Variants in DYSF observed in about 807,000 individuals in gnomAD.
DYSF encodes the protein dystrophy-associated fer-1-like 1.
In DYSF, 212 loss-of-function variants were observed where a neutral mutation model predicts 274.9. That is an observed-to-expected ratio of 0.77 (90% CI 0.69 to 0.86). DYSF has a LOEUF of 0.86. Ranked by LOEUF, DYSF falls within the 40% of genes least tolerant of loss-of-function variation. The pLI is 0.00. For synonymous variants in DYSF, 1,091 were observed against 1,078.7 expected (o/e 1.01, Z -0.22); for missense variants, 2,666 against 2,783.2 (o/e 0.96, Z 0.95).
intron 8 of DYSF, 43 bp from the exon 9 acceptor site, chr2:71,516,137 A>T: frequency 6.3e-7 from 1 of 1,590,972 alleles, no homozygotes; most frequent in Non-Finnish European, 8.6e-7. Context: ...GGCCTGAGGG[A>T]TCAGCAGGCA....
At chr2:71,469,864 T>C (rs957111649) in intron 1 of DYSF, among the ~76,000 whole-genome samples, 5 of 152,250 alleles carry the variant, frequency 3.3e-5, no homozygotes, top group African/African-American at 1.2e-4. Context: ...TAATTGTCTG[T>C]ACTTCTTTTC....
At chr2:71,530,754 G>T (rs75530963) in intron 14 of DYSF, among the ~76,000 whole-genome samples, 19,155 of 152,010 alleles carry the variant, frequency 0.13, 1,373 homozygotes, top group African/African-American at 0.18. Context: ...TGGCGTCCCC[G>T]CTTCTGCTGC....
chr2:71,455,917 C>G (rs1178889729), intron 1 of DYSF, among the ~76,000 whole-genome samples: 3 of 152,166 alleles, frequency 2.0e-5, no homozygotes, highest in Non-Finnish European at 4.4e-5. Context: ...TGGTCCCTCA[C>G]CCAGGCTAGG....
At chr2:71,542,527 G>T (rs894012364) in intron 17 of DYSF, among the ~76,000 whole-genome samples, 31 of 152,092 alleles carry the variant, frequency 2.0e-4, no homozygotes, top group African/African-American at 7.0e-4. Context: ...GGGGCCTTCC[G>T]CAGTGTTTGT....
At chr2:71,565,790 G>A (rs2092061980) in intron 24 of DYSF, among the ~76,000 whole-genome samples, 1 of 152,230 alleles carries the variant, frequency 6.6e-6, no homozygotes, top group South Asian at 2.1e-4. Context: ...GGGTGGGGCT[G>A]CCCACTTTAC....
At chr2:71,613,177 G>A (rs1340890347) in intron 39 of DYSF, among the ~76,000 whole-genome samples, 157 bp from the exon 40 acceptor site, 3 of 152,096 alleles carry the variant, frequency 2.0e-5, no homozygotes, top group Admixed American at 6.5e-5. Flanking sequence ...AGATGAGAGA[G>A]GGACTTATTG....
At chr2:71,645,879 G>T (rs541359985) in intron 42 of DYSF, among the ~76,000 whole-genome samples, 2 of 152,216 alleles carry the variant, frequency 1.3e-5, no homozygotes, top group African/African-American at 4.8e-5. Flanking sequence ...GGTGGGCACA[G>T]GCTGTTAGAC....
At chr2:71,468,746 T>C (rs1041405477) in intron 1 of DYSF, among the ~76,000 whole-genome samples, 2 of 152,126 alleles carry the variant, frequency 1.3e-5, no homozygotes, top group African/African-American at 4.8e-5. Flanking sequence ...GTCTCTCCTC[T>C]CTGGATGACA....
intron 7 of DYSF, among the ~76,000 whole-genome samples, chr2:71,514,999 A>G (rs1009469321): frequency 6.6e-6 from 1 of 152,150 alleles, no homozygotes; most frequent in Non-Finnish European, 1.5e-5. Flanking sequence ...GTCAGTAAAT[A>G]ACAGTTGATT....
intron 41 of DYSF, among the ~76,000 whole-genome samples, chr2:71,623,588 TC>T (rs2094149743): frequency 6.6e-6 from 1 of 152,184 alleles, no homozygotes; most frequent in Non-Finnish European, 1.5e-5. Flanking sequence ...TGTCATGTCA[TC>T]CTTTTGGTAT....
chr2:71,666,464 T>C lies in DYSF; in HGVS notation c.5318-912T>C, dbSNP rs1573071395. Reference sequence around the variant, plus strand: ...AGGGCAGGTCTGATGGGTGAACACATGTGTGTGTACATATAGGTGTGCATG... The same window carrying C: ...AGGGCAGGTCTGATGGGTGAACACACGTGTGTGTACATATAGGTGTGCATG... On this transcript the variant is annotated intron_variant, in intron 47 of 55. Transcript: ENST00000410020. Among the ~76,000 whole-genome samples, 3 of 152,282 alleles carry C rather than the reference T, an allele frequency of 2.0e-5. No individual in the cohort carries two copies. In the South Asian group the frequency reaches 6.3e-4, roughly 32 times the overall value.
intron 19 of DYSF, among the ~76,000 whole-genome samples, chr2:71,552,650 C>T (rs1343482271): frequency 6.6e-6 from 1 of 152,232 alleles, no homozygotes; most frequent in Non-Finnish European, 1.5e-5. Flanking sequence ...GCTTAAAAGC[C>T]TTAAGCCCCT....
rs2152814108 is a variant in DYSF at position 71,569,927 on chromosome 2, C to T, written c.2972C>T (p.Thr991Ile). 1.2e-6 allele frequency: 2 copies of T among 1,613,942 alleles called. No individual in the cohort carries two copies. The highest frequency in any genetic ancestry group is 8.5e-7 in the Non-Finnish European group (1 of 1,179,934). The change falls in exon 27 of 56, where the codon ACC (threonine) becomes ATC (isoleucine). Residue 991 changes from threonine to isoleucine, a missense_variant. Thr to Ile is a moderately conservative substitution (Grantham distance 89, BLOSUM62 -1). This residue lies in a region of DYSF where 1,460 missense variants were observed against 1,502.1 expected (regional missense o/e 0.97). Transcript: ENST00000410020. Reference protein sequence around the residue: ...GQWIYMSDNYTDVNGEKVLPK... With the variant: ...GQWIYMSDNYIDVNGEKVLPK... ...TGGATCTACATGAGTGACAACTACACCGATGTGGTAAAGCAGGCACTCAGG... is the reference window on the plus strand; with the variant it reads ...TGGATCTACATGAGTGACAACTACATCGATGTGGTAAAGCAGGCACTCAGG...
At chr2:71,513,127 C>A in intron 5 of DYSF, 113 bp from the exon 6 acceptor site, 1 of 986,580 alleles carries the variant, frequency 1.0e-6, no homozygotes, top group Non-Finnish European at 1.6e-6. Context: ...AGCTTTGCAC[C>A]AGGCTGGGGT....
chr2:71,644,046 G>A lies in DYSF; in HGVS notation c.4609G>A (p.Asp1537Asn). ...REKCGSYLEK[D>N]FDTLKVYDTQ... ...AAAGTGCGGCTCCTACCTGGAGAAG[G>A]ATTTTGACACCCTGAAGGTAAGGCC... Residue 1537 changes from aspartate (D) to asparagine (N), a missense_variant, in exon 42 of 56, where the codon GAT becomes AAT. Around this residue, in one of 3 missense-constraint regions of DYSF, gnomAD observed 1,460 missense variants for 1,502.1 expected, o/e 0.97. Transcript: ENST00000410020. 1 of 1,611,396 alleles carries A rather than the reference G, an allele frequency of 6.2e-7. No homozygotes were observed. The highest frequency in any genetic ancestry group is 8.5e-7 in the Non-Finnish European group (1 of 1,178,802).
At chr2:71,623,769 T>TA (rs576733692) in intron 41 of DYSF, among the ~76,000 whole-genome samples, 25 of 150,356 alleles carry the variant, frequency 1.7e-4, no homozygotes, top group East Asian at 3.9e-4. Flanking sequence ...ATTCATCACT[T>TA]AAAAAAAAAA....
chr2:71,661,734 G>C (rs2094884906), intron 45 of DYSF, among the ~76,000 whole-genome samples: 1 of 152,202 alleles, frequency 6.6e-6, no homozygotes, highest in South Asian at 2.1e-4. Context: ...GACACCTACT[G>C]TTCCGATGTC....
chr2:71,590,194 T>G lies in DYSF; in HGVS notation c.3497-17T>G. Reference sequence around the variant, plus strand: ...CAGCCACTCACTCTGGCACCTCTGTTTTTTCCCTTGGTGAAGATGGGAACC... The same window carrying G: ...CAGCCACTCACTCTGGCACCTCTGTGTTTTCCCTTGGTGAAGATGGGAACC... On this transcript the variant is annotated splice_polypyrimidine_tract_variant and intron_variant, in intron 31 of 55. Coordinates refer to ENST00000410020, the MANE Select transcript of DYSF (RefSeq NM_001130987.2). The G allele has an allele frequency of 6.2e-7, 1 of 1,614,020 alleles. No individual in the cohort carries two copies. Among genetic ancestry groups the G allele is most frequent in the East Asian group, 2.2e-5 (1 of 44,862 alleles).
intron 4 of DYSF, among the ~76,000 whole-genome samples, chr2:71,508,103 C>T (rs1013216956): frequency 6.6e-6 from 1 of 152,154 alleles, no homozygotes; most frequent in Non-Finnish European, 1.5e-5. Flanking sequence ...TAAGGAGATT[C>T]CTGTGGCTAT....
Sources: gnomAD v4.1 joint callset for allele counts (sites outside exome capture counted in the v4.1 genomes callset) on GRCh38, gnomAD v4.1.1 for gene constraint, gnomAD v4.1.1 regional missense constraint, MANE v1.5 for transcripts, NCBI Gene and HGNC (gene_info 2026-07-23, HGNC 2026-07-21) for gene names.